FRAS1: variants seen among roughly 807,000 people sequenced by gnomAD.
FRAS1 encodes the protein Fraser extracellular matrix complex subunit 1.
A neutral mutation model predicts 435.2 loss-of-function variants in FRAS1; 290 were observed. The observed-to-expected ratio is 0.67, with a 90% CI of 0.61 to 0.73. The LOEUF (loss-of-function observed/expected upper bound fraction) is 0.73, where lower values mean the gene tolerates loss of function less well. FRAS1 is among the 30% of genes least tolerant of loss of function. The pLI is 0.00. For missense variants in FRAS1, 4,860 were observed against 5,001.5 expected (o/e 0.97, Z 0.85); for synonymous variants, 1,800 against 1,851.0 (o/e 0.97, Z 0.71).
intron 2 of FRAS1, among the ~76,000 whole-genome samples, chr4:78,226,830 T>C (rs189445658): frequency 3.3e-5 from 5 of 152,312 alleles, no homozygotes; most frequent in African/African-American, 1.2e-4. Context: ...TTGAACTTTG[T>C]AATATGTTCC....
intron 70 of FRAS1, among the ~76,000 whole-genome samples, chr4:78,529,132 CT>C (rs151243589): frequency 4.1e-4 from 63 of 152,054 alleles, no homozygotes; most frequent in African/African-American, 1.4e-3. Context: ...AACTGGGAGT[CT>C]GGGGTAGTTG....
intron 14 of FRAS1, among the ~76,000 whole-genome samples, chr4:78,301,799 C>A (rs1189907567): frequency 6.7e-6 from 1 of 148,378 alleles, no homozygotes; most frequent in Non-Finnish European, 1.5e-5. Context: ...TCTTCTGAAT[C>A]TCTTAGTGAT....
intron 2 of FRAS1, among the ~76,000 whole-genome samples, chr4:78,103,509 G>A (rs1386142384): frequency 6.6e-6 from 1 of 152,058 alleles, no homozygotes; most frequent in Admixed American, 6.6e-5. Flanking sequence ...ATTTATGAAG[G>A]GTAATGTATT....
intron 2 of FRAS1, among the ~76,000 whole-genome samples, chr4:78,111,774 AG>A (rs1560526571): frequency 1.4e-5 from 2 of 145,720 alleles, no homozygotes; most frequent in South Asian, 2.2e-4. Context: ...AAAAAAAAAA[AG>A]ATGAGGTTCT....
intron 2 of FRAS1, among the ~76,000 whole-genome samples, chr4:78,070,298 T>C (rs1293153642): frequency 6.6e-6 from 1 of 152,046 alleles, no homozygotes; most frequent in Non-Finnish European, 1.5e-5. Flanking sequence ...TTGTATTGTG[T>C]TGTGTTTCCC....
rs2110247203 is a variant in FRAS1, at chr4:78,325,414, T to G, written c.2137+6428T>G. Among the ~76,000 whole-genome samples the G allele has an allele frequency of 1.3e-5, 2 of 152,348 alleles. 1 individual carries two copies. The highest frequency in any genetic ancestry group is 4.2e-4 in the South Asian group (2 of 4,818). ...AAAGAGTTTTAATTAAAAAAATACG[T>G]GGGCAGGAATCTGCCTGTACAGCTT... On this transcript the variant is annotated intron_variant, in intron 18 of 73. Coordinates refer to ENST00000512123, the MANE Select transcript of FRAS1 (RefSeq NM_025074.7).
chr4:78,166,755 G>A (rs1721348031), intron 2 of FRAS1, among the ~76,000 whole-genome samples: 1 of 152,102 alleles, frequency 6.6e-6, no homozygotes, highest in South Asian at 2.1e-4. Context: ...CTCTCTTGTG[G>A]TTAGATGTAT....
chr4:78,494,996 C>T (rs916407226), intron 59 of FRAS1, among the ~76,000 whole-genome samples: 32 of 152,212 alleles, frequency 2.1e-4, no homozygotes, highest in East Asian at 1.9e-3. Context: ...CTCTTCAAAA[C>T]GAGCATTATT....
chr4:78,418,914 C>T (rs546661419), intron 32 of FRAS1, 35 bp from the exon 33 acceptor site: 19 of 1,288,878 alleles, frequency 1.5e-5, no homozygotes, highest in South Asian at 1.3e-4. Flanking sequence ...GTTTTTCATA[C>T]CATGTGTTCC....
Position 78,432,377 on chromosome 4 carries a change from G to T in FRAS1, c.4990G>T (p.Asp1664Tyr). ...MATGDTFTYE[D>Y]VEKNALQYIH... The stretch of plus-strand genomic sequence containing the variant: ...GGAAGGTGACACTTTCACCTATGAG[G>T]ATGTTGAGAAAAATGCTCTACAGTA... Residue 1664 changes from aspartate (D) to tyrosine (Y), a missense_variant, in exon 38 of 74, where the codon GAT becomes TAT. By Grantham distance (160) the Asp-to-Tyr change is radical. Coordinates refer to ENST00000512123, the MANE Select transcript of FRAS1 (RefSeq NM_025074.7). 2 of 1,602,162 alleles carry T rather than the reference G, an allele frequency of 1.2e-6. No individual in the cohort carries two copies. The highest frequency in any genetic ancestry group is 1.7e-6 in the Non-Finnish European group (2 of 1,173,608).
intron 2 of FRAS1, among the ~76,000 whole-genome samples, chr4:78,069,082 A>G (rs1452894926): frequency 6.6e-6 from 1 of 152,208 alleles, no homozygotes; most frequent in African/African-American, 2.4e-5. Flanking sequence ...CGTCATTTTC[A>G]AGAGCTGGCT....
intron 2 of FRAS1, among the ~76,000 whole-genome samples, chr4:78,192,420 T>C (rs1358589125): frequency 1.3e-5 from 2 of 152,182 alleles, no homozygotes; most frequent in Admixed American, 6.6e-5. Flanking sequence ...TTTTGGATAG[T>C]AAGCTATTAA....
intron 2 of FRAS1, among the ~76,000 whole-genome samples, chr4:78,171,543 C>G (rs1432145304): frequency 6.6e-6 from 1 of 152,148 alleles, no homozygotes; most frequent in Non-Finnish European, 1.5e-5. Context: ...ACCTCCACCC[C>G]CACACCTACC....
At chr4:78,065,095 C>CACAT (rs1739959416) in intron 1 of FRAS1, among the ~76,000 whole-genome samples, 1 of 113,634 alleles carries the variant, frequency 8.8e-6, no homozygotes, top group African/African-American at 3.4e-5. Context: ...CATACACACA[C>CACAT]ACACACTAAA....
intron 15 of FRAS1, among the ~76,000 whole-genome samples, chr4:78,312,879 G>GAGAGAGAGAGAGAGAGAGAAAGAA (rs143465313): frequency 1.5e-5 from 2 of 129,072 alleles, no homozygotes; most frequent in Admixed American, 8.3e-5. Flanking sequence ...GAGAGAGAGA[G>GAGAGAGAGAGAGAGAGAGAAAGAA]AGAAAGAAAG....
intron 2 of FRAS1, among the ~76,000 whole-genome samples, chr4:78,187,470 A>G (rs953017784): frequency 6.6e-6 from 1 of 152,214 alleles, no homozygotes; most frequent in African/African-American, 2.4e-5. Flanking sequence ...CAGGTGTCCT[A>G]CTGTCTCCCC....
intron 42 of FRAS1, chr4:78,446,067 A>AT: frequency 8.8e-7 from 1 of 1,131,170 alleles, no homozygotes; most frequent in Non-Finnish European, 1.1e-6. Flanking sequence ...GCCTTTTCTT[A>AT]TTTTACTGCA....
chr4:78,288,844 G>T (rs6533577), intron 14 of FRAS1, among the ~76,000 whole-genome samples: 146,409 of 152,286 alleles, frequency 0.96, 70,623 homozygotes, highest in East Asian at 1. Context: ...TTGTACCACT[G>T]TTGGTGACTT....
intron 14 of FRAS1, among the ~76,000 whole-genome samples, chr4:78,307,511 C>T (rs345533): frequency 5.9e-5 from 9 of 152,274 alleles, no homozygotes; most frequent in South Asian, 2.1e-4. Flanking sequence ...AGCGAGACTC[C>T]GTGGGCGTAG....
Sources: gnomAD v4.1 joint callset for allele counts (sites outside exome capture counted in the v4.1 genomes callset) on GRCh38, gnomAD v4.1.1 for gene constraint, MANE v1.5 for transcripts, NCBI Gene and HGNC (gene_info 2026-07-23, HGNC 2026-07-21) for gene names.